The following PALM variants were observed in gnomAD, a reference collection of about 807,000 sequenced individuals.
PALM encodes the protein paralemmin.
PALM carries 18 observed loss-of-function variants against 30.7 expected under a neutral mutation model. That is an observed-to-expected ratio of 0.59 (90% CI 0.41 to 0.87). The LOEUF (loss-of-function observed/expected upper bound fraction) is 0.87. PALM is among the 40% of genes least tolerant of loss of function. PALM has a pLI of 0.00. For missense variants in PALM, 529 were observed against 555.4 expected (o/e 0.95, Z 0.48); for synonymous variants, 286 against 242.8 (o/e 1.18, Z -1.66).
chr19:715,957 G>A (rs8109999), intron 1 of PALM, among the ~76,000 whole-genome samples: 57 of 152,256 alleles, frequency 3.7e-4, no homozygotes, highest in African/African-American at 1.2e-3. Flanking sequence ...GGATGGCTGC[G>A]TGGACGTCTT....
At chr19:719,120 C>T (rs896626327) in intron 1 of PALM, 1 of 985,300 alleles carries the variant, frequency 1.0e-6, no homozygotes, top group African/African-American at 1.7e-5. Flanking sequence ...TCGGCGCCTG[C>T]CCGGGCAGGG....
chr19:715,224 C>T (rs922037841), intron 1 of PALM, among the ~76,000 whole-genome samples: 6 of 152,112 alleles, frequency 3.9e-5, no homozygotes, highest in African/African-American at 1.2e-4. Flanking sequence ...GCCGAGATTG[C>T]ACCACTGCAC....
In PALM at chr19:709,532, CA is replaced by C. The variant is rs1765579199; in HGVS notation, c.5+382del. Among the ~76,000 whole-genome samples, 1 of 152,114 alleles carries C rather than the reference CA, an allele frequency of 6.6e-6. No homozygotes were observed. Among genetic ancestry groups the C allele is most frequent in the Admixed American group, 6.5e-5 (1 of 15,286 alleles). On this transcript the variant is annotated intron_variant, in intron 1 of 8. Transcript: ENST00000338448. This position sits in a 1 kb window ranked among gnomAD's most constrained non-coding sequence, Gnocchi z 4.3. ...CCGGGGAGATGGAGCGACCCCTCCCCAGATTGCACCGGTCCGGCCTCGCGCT... is the reference window on the plus strand; with the variant it reads ...CCGGGGAGATGGAGCGACCCCTCCCCGATTGCACCGGTCCGGCCTCGCGCT...
At chr19:731,451 C>G (rs111873399) in intron 5 of PALM, among the ~76,000 whole-genome samples, 1 of 152,182 alleles carries the variant, frequency 6.6e-6, no homozygotes, top group African/African-American at 2.4e-5. Flanking sequence ...GTTTCCCCAT[C>G]TGTAAGATGG....
At chr19:722,109 G>C (rs1366695048) in intron 1 of PALM, among the ~76,000 whole-genome samples, 1 of 150,884 alleles carries the variant, frequency 6.6e-6, no homozygotes, top group African/African-American at 2.4e-5. Flanking sequence ...TAGTAGAGAC[G>C]GGGTTTCACC....
chr19:718,592 G>C (rs2032347299), intron 1 of PALM, among the ~76,000 whole-genome samples: 1 of 152,104 alleles, frequency 6.6e-6, no homozygotes. Flanking sequence ...CTGCATCTGT[G>C]GCCTGCTTTG....
At chr19:727,862 C>G (rs1292860356) in intron 4 of PALM, 168 bp downstream of exon 4, 13 of 650,792 alleles carry the variant, frequency 2.0e-5, no homozygotes, top group Non-Finnish European at 3.3e-5. Context: ...CGGGACAGAT[C>G]AGGTTGGGGC....
At chr19:722,986 C>T (rs1479824847) in intron 1 of PALM, 1 of 152,424 alleles carries the variant, frequency 6.6e-6, no homozygotes, top group African/African-American at 2.4e-5. Flanking sequence ...TCACAGGCCT[C>T]AGCAGGGCCA....
At chr19:736,693 A>C (rs1373149695) in intron 7 of PALM, among the ~76,000 whole-genome samples, 1 of 152,236 alleles carries the variant, frequency 6.6e-6, no homozygotes, top group Non-Finnish European at 1.5e-5. Flanking sequence ...CAGGAGCCCA[A>C]TAATGAGAAA....
chr19:731,083 C>A lies in PALM; in HGVS notation c.270-12C>A. The A allele has an allele frequency of 1.9e-6, 3 of 1,562,018 alleles. No individual in the cohort carries two copies. The highest frequency in any genetic ancestry group is 1.7e-6 in the Non-Finnish European group (2 of 1,151,502). On this transcript the variant is annotated splice_polypyrimidine_tract_variant and intron_variant, in intron 4 of 8. Transcript: ENST00000338448. ...TGCAGGAGTCACCCTCACAGGCACA[C>A]CCTCTCCCCAGGTTGGAGAAGGAAA...
In PALM at chr19:736,023, G is replaced by C; in HGVS notation, c.447G>C (p.Lys149Asn). 1 of 1,609,792 alleles carries C rather than the reference G, an allele frequency of 6.2e-7. No individual in the cohort carries two copies. The highest frequency in any genetic ancestry group is 1.7e-4 in the Middle Eastern group (1 of 6,050). ...QQTPVGTPKD[K>N]RVSNTPLRTV... is the part of the protein sequence containing the mutation. The stretch of plus-strand genomic sequence containing the variant: ...CCGCTTCCACCTCCCGTGCAGACAA[G>C]CGAGTCTCCAACACGCCCCTGAGGA... Residue 149 changes from lysine to asparagine, a missense_variant, in exon 7 of 9, where the codon AAG becomes AAC. By Grantham distance (94) the Lys-to-Asn change is moderately conservative. Coordinates refer to ENST00000338448, the MANE Select transcript of PALM (RefSeq NM_002579.3).
Position 746,527 on chromosome 19 carries a change from G to T in PALM, c.877G>T (p.Gly293Cys). 1 of 1,613,008 alleles carries T rather than the reference G, an allele frequency of 6.2e-7. No homozygotes were observed. The highest frequency in any genetic ancestry group is 8.5e-7 in the Non-Finnish European group (1 of 1,179,876). ...GTCCGGCCCGCCGGGGATCCAGCCC[G>T]GCCAGGAGCCCCCGGTCACAATGAT... ...ATSGPPGIQP[G>C]QEPPVTMIFM... Residue 293 changes from glycine to cysteine, a missense_variant, in exon 9 of 9, where the codon GGC becomes TGC. Physicochemically the swap from Gly to Cys is radical, Grantham distance 159. Transcript: ENST00000338448. This position sits in a 1 kb window ranked among gnomAD's most constrained non-coding sequence, Gnocchi z 7.1.
In PALM at chr19:746,612, A is replaced by G; in HGVS notation, c.962A>G (p.Gln321Arg). 1 of 1,613,258 alleles carries G rather than the reference A, an allele frequency of 6.2e-7. No individual in the cohort carries two copies. The change falls in exon 9 of 9, where the codon CAA becomes CGA. Residue 321 changes from glutamine to arginine, a missense_variant. Transcript: ENST00000338448. This position sits in a 1 kb window ranked among gnomAD's most constrained non-coding sequence, Gnocchi z 7.1. ...GAGACCAAGAAGGTGCTGGGCCTTCAAGATACCATCACGGCGGAGCTGGTG... is the reference window on the plus strand; with the variant it reads ...GAGACCAAGAAGGTGCTGGGCCTTCGAGATACCATCACGGCGGAGCTGGTG... The part of the protein sequence containing the change: ...EAETKKVLGL[Q>R]DTITAELVVI...
Position 746,209 on chromosome 19 carries a change from TCCTGCCTGAGCCAGGTCACTCTCTCTGTC to T in PALM, c.635-72_635-44del. On this transcript the variant is annotated intron_variant, in intron 8 of 8. Coordinates refer to ENST00000338448, the MANE Select transcript of PALM (RefSeq NM_002579.3). The surrounding 1 kb of genome is among the most constrained non-coding windows in gnomAD (Gnocchi z 7.1). The stretch of plus-strand genomic sequence containing the variant: ...GATACAAGCCTTGCCAAGGTTTCCC[TCCTGCCTGAGCCAGGTCACTCTCTCTGTC>T]CCTCCTGCCTGGAGCTGGGTCATTC... 8.2e-7 allele frequency: 1 copy of T among 1,212,192 alleles called. No individual in the cohort carries two copies. The highest frequency in any genetic ancestry group is 1.2e-6 in the Non-Finnish European group (1 of 840,234). 75.1% of individuals were successfully genotyped at this position (1,212,192 alleles called of 1,614,324 possible). A position where few individuals can be genotyped will look rare whatever the true frequency, so the allele number is the denominator to read the frequency against.
chr19:732,183 G>C (rs1311389850), intron 5 of PALM, among the ~76,000 whole-genome samples: 1 of 152,186 alleles, frequency 6.6e-6, no homozygotes, highest in Non-Finnish European at 1.5e-5. Flanking sequence ...CTGCTGTCCA[G>C]GCTGGGGTTT....
rs928143281 is a variant in PALM, at chr19:746,250, G to A, written c.635-35G>A. ...TCACTCTCTCTGTCCCTCCTGCCTG[G>A]AGCTGGGTCATTCTCTCTGTCTCTC... On this transcript the variant is annotated intron_variant, in intron 8 of 8. Coordinates refer to ENST00000338448, the MANE Select transcript of PALM (RefSeq NM_002579.3). The surrounding 1 kb of genome is among the most constrained non-coding windows in gnomAD (Gnocchi z 7.1). 6.3e-7 allele frequency: 1 copy of A among 1,589,900 alleles called. No individual in the cohort carries two copies. The highest frequency in any genetic ancestry group is 8.6e-7 in the Non-Finnish European group (1 of 1,164,032).
chr19:722,214 G>C (rs561919136), intron 1 of PALM, among the ~76,000 whole-genome samples: 1 of 152,094 alleles, frequency 6.6e-6, no homozygotes, highest in Non-Finnish European at 1.5e-5. Context: ...CAGCGCACCC[G>C]GCCTTAAATT....
chr19:728,496 T>TC (rs1209393622), intron 4 of PALM, among the ~76,000 whole-genome samples: 1 of 152,150 alleles, frequency 6.6e-6, no homozygotes, highest in Non-Finnish European at 1.5e-5. Context: ...TGGACTTCCC[T>TC]CCTGGGCAGG....
At chr19:730,204 C>CT (rs530015586) in intron 4 of PALM, among the ~76,000 whole-genome samples, 12 of 112,416 alleles carry the variant, frequency 1.1e-4, no homozygotes, top group African/African-American at 4.2e-4. Flanking sequence ...GCCCTCCAGG[C>CT]GGCTGTGGGC....
Sources: gnomAD v4.1 joint callset for allele counts (sites outside exome capture counted in the v4.1 genomes callset) on GRCh38, gnomAD v4.1.1 for gene constraint, Gnocchi (gnomAD v3.1) non-coding constraint, MANE v1.5 for transcripts, NCBI Gene and HGNC (gene_info 2026-07-23, HGNC 2026-07-21) for gene names.